LINGO2: variants seen among roughly 807,000 people sequenced by gnomAD.
The protein encoded by LINGO2 is leucine-rich repeat and immunoglobulin-like domain-containing nogo receptor-interacting protein 2.
In LINGO2, 14 loss-of-function variants were observed where a neutral mutation model predicts 30.6. The observed-to-expected ratio is 0.46, with a 90% CI of 0.30 to 0.72. LINGO2 has a LOEUF of 0.72. Ranked by LOEUF, LINGO2 falls within the 30% of genes least tolerant of loss-of-function variation. The pLI is 0.07. For missense variants in LINGO2, 729 were observed against 751.7 expected, an observed-to-expected ratio of 0.97 and a Z score of 0.35; for synonymous variants, 317 against 288.5, an observed-to-expected ratio of 1.10 and a Z score of -1.00.
At chr9:29,092,458 C>T in the LINGO2 span, among the ~76,000 whole-genome samples, 3 of 151,924 alleles carry the variant, frequency 2.0e-5, no homozygotes, top group African/African-American at 4.8e-5. Context: ...AAACCAAGTA[C>T]AAAATGAAAT....
intron 4 of LINGO2, among the ~76,000 whole-genome samples, chr9:28,265,735 C>G (rs1822725436): frequency 6.6e-6 from 1 of 151,882 alleles, no homozygotes; most frequent in Admixed American, 6.6e-5. Flanking sequence ...ATTCTTGAAA[C>G]TTTTCTGTAT....
At chr9:28,781,101 T>C in the LINGO2 span, among the ~76,000 whole-genome samples, 1 of 152,290 alleles carries the variant, frequency 6.6e-6, no homozygotes, top group Admixed American at 6.5e-5. Flanking sequence ...TATCATTTTA[T>C]ACATGAGGTT....
the LINGO2 span, among the ~76,000 whole-genome samples, chr9:28,803,376 T>C: frequency 1.3e-5 from 2 of 151,988 alleles, no homozygotes; most frequent in African/African-American, 4.8e-5. Context: ...GTGAAATATA[T>C]TGTTATTTAT....
At chr9:28,551,838 T>G (rs1225596838) in intron 1 of LINGO2, among the ~76,000 whole-genome samples, 1 of 152,090 alleles carries the variant, frequency 6.6e-6, no homozygotes, top group Non-Finnish European at 1.5e-5. Flanking sequence ...ACGTGTGTCC[T>G]CAGCCTCTCA....
intron 4 of LINGO2, among the ~76,000 whole-genome samples, chr9:28,108,138 C>G (rs773370594): frequency 1.3e-5 from 2 of 152,110 alleles, no homozygotes; most frequent in Non-Finnish European, 2.9e-5. Context: ...ATGAGTCTTG[C>G]CTTTGCACTC....
At chr9:28,482,381 T>G (rs1826006272) in intron 1 of LINGO2, among the ~76,000 whole-genome samples, 1 of 152,196 alleles carries the variant, frequency 6.6e-6, no homozygotes, top group South Asian at 2.1e-4. Context: ...CCAGTGATGA[T>G]GAGCATTTTT....
intron 1 of LINGO2, among the ~76,000 whole-genome samples, chr9:28,545,382 T>C (rs751459555): frequency 7.2e-5 from 11 of 152,098 alleles, no homozygotes; most frequent in Admixed American, 3.3e-4. Context: ...ATTTTTAAAA[T>C]ATGAACTGGC....
rs1302128718 is a variant in LINGO2, at chr9:27,981,551, GAAAAAAAAGA to G, written c.-36+30794_-36+30803del. ...GAGGATGGCAAAAAAAAAAAAAAAA[GAAAAAAAAGA>G]AAAAAAAAGAAAAAAAAAAGAAAAA... is the stretch of plus-strand genomic sequence containing the variant. On this transcript the variant is annotated intron_variant, in intron 5 of 5. Transcript: ENST00000379992. Among the ~76,000 whole-genome samples, 11 of 87,166 alleles carry G rather than the reference GAAAAAAAAGA, an allele frequency of 1.3e-4. 1 individual carries two copies. The South Asian group carries it at 2.7e-3, about 21-fold the overall frequency. 57.2% of individuals were successfully genotyped at this position (87,166 alleles called of 152,430 possible).
chr9:28,298,498 C>A (rs374912793), intron 3 of LINGO2, among the ~76,000 whole-genome samples: 6 of 129,928 alleles, frequency 4.6e-5, no homozygotes, highest in African/African-American at 1.8e-4. Context: ...CCTGTCTCTA[C>A]CAAAAAAAAA....
the LINGO2 span, among the ~76,000 whole-genome samples, chr9:29,031,474 A>G: frequency 2.6e-5 from 4 of 151,774 alleles, no homozygotes; most frequent in Non-Finnish European, 5.9e-5. Flanking sequence ...GTAGAGACAG[A>G]GTTTCAGCAT....
chr9:27,983,708 T>G (rs559370548), intron 5 of LINGO2, among the ~76,000 whole-genome samples: 17 of 151,978 alleles, frequency 1.1e-4, no homozygotes, highest in African/African-American at 3.9e-4. Context: ...CAGAAAAAGG[T>G]GAGAATAAAA....
chr9:28,296,790 C>T (rs1413827186), intron 3 of LINGO2, among the ~76,000 whole-genome samples: 4 of 152,126 alleles, frequency 2.6e-5, no homozygotes, highest in African/African-American at 9.7e-5. Flanking sequence ...TATCCACACC[C>T]CCTCAACACA....
At chr9:28,681,348 T>C in the LINGO2 span, among the ~76,000 whole-genome samples, 30 of 152,228 alleles carry the variant, frequency 2.0e-4, no homozygotes, top group African/African-American at 5.1e-4. Flanking sequence ...CAGCTCTTTT[T>C]AACTTCTTCC....
chr9:28,657,127 T>A (rs1393120638), intron 1 of LINGO2, among the ~76,000 whole-genome samples: 1 of 151,472 alleles, frequency 6.6e-6, no homozygotes, highest in South Asian at 2.1e-4. Flanking sequence ...CCAAAAAAAA[T>A]GTGAGATAAG....
the LINGO2 span, among the ~76,000 whole-genome samples, chr9:28,957,925 T>C: frequency 3.9e-4 from 60 of 152,336 alleles, no homozygotes; most frequent in Middle Eastern, 3.4e-3. Flanking sequence ...TGAATGCTTA[T>C]AATAAGTCTA....
intron 2 of LINGO2, among the ~76,000 whole-genome samples, chr9:28,428,583 T>TTGACCTC (rs1269329594): frequency 6.6e-6 from 1 of 151,818 alleles, no homozygotes; most frequent in African/African-American, 2.4e-5. Context: ...TTTTCAGTCA[T>TTGACCTC]TGACCTCAAT....
At chr9:28,823,562 T>A in the LINGO2 span, among the ~76,000 whole-genome samples, 1 of 152,144 alleles carries the variant, frequency 6.6e-6, no homozygotes, top group Non-Finnish European at 1.5e-5. Flanking sequence ...GTCAAAAGAA[T>A]GGATGCACTC....
At chr9:28,808,923 G>A in the LINGO2 span, among the ~76,000 whole-genome samples, 1 of 152,074 alleles carries the variant, frequency 6.6e-6, no homozygotes, top group Non-Finnish European at 1.5e-5. Context: ...TAGGACTAAC[G>A]CCCTGGTCAT....
chr9:28,150,463 G>A (rs1241417482), intron 4 of LINGO2, among the ~76,000 whole-genome samples: 13 of 152,142 alleles, frequency 8.5e-5, no homozygotes, highest in Non-Finnish European at 1.2e-4. Context: ...TTGTGCCTGT[G>A]GTCCCAGCTA....
Sources: gnomAD v4.1 joint callset for allele counts (sites outside exome capture counted in the v4.1 genomes callset) on GRCh38, gnomAD v4.1.1 for gene constraint, MANE v1.5 for transcripts, NCBI Gene and HGNC (gene_info 2026-07-23, HGNC 2026-07-21) for gene names.